The following CDC42BPA variants were observed in gnomAD, a reference collection of about 807,000 sequenced individuals.
The protein encoded by CDC42BPA is serine/threonine-protein kinase MRCK alpha.
In CDC42BPA, 80 loss-of-function variants were observed where a neutral mutation model predicts 223.5. The ratio of observed to expected loss-of-function variants is 0.36; its 90% CI spans 0.30 to 0.43. The LOEUF is 0.43. CDC42BPA is among the 20% of genes least tolerant of loss of function. The pLI is 1.00. For missense variants in CDC42BPA, 1,743 were observed against 2,099.9 expected, an observed-to-expected ratio of 0.83 and a Z score of 3.32; for synonymous variants, 694 against 718.6, an observed-to-expected ratio of 0.97 and a Z score of 0.55.
At position 226,991,777 on chromosome 1, in the gene CDC42BPA, G is replaced by C. The variant is rs1176418767; in HGVS notation, c.*2491C>G. ...AGACTTTAGGTAGGGTTATTATTTT[G>C]ATCTTAAAAGCATCCTTTGCAAAAT... On this transcript the variant is annotated 3_prime_UTR_variant, in exon 37 of 37. Transcript: ENST00000366766. The C allele has an allele frequency of 1.3e-5, 2 of 149,672 alleles. No homozygotes were observed. Among genetic ancestry groups the C allele is most frequent in the Non-Finnish European group, 3.0e-5 (2 of 67,314 alleles). The allele number at this position is 149,672 out of a possible 1,614,324, so 9.3% of individuals were successfully genotyped here. A position where few individuals can be genotyped will look rare whatever the true frequency, so the allele number is the denominator to read the frequency against.
At chr1:227,085,262 T>C (rs754683874) in intron 16 of CDC42BPA, among the ~76,000 whole-genome samples, 2 of 152,200 alleles carry the variant, frequency 1.3e-5, no homozygotes, top group African/African-American at 2.4e-5. Flanking sequence ...GCCACAACCA[T>C]GTTCTAAGTC....
intron 21 of CDC42BPA, among the ~76,000 whole-genome samples, chr1:227,053,001 TAATTG>T (rs1420322550): frequency 2.6e-5 from 4 of 152,254 alleles, no homozygotes; most frequent in Admixed American, 1.3e-4. Flanking sequence ...GAATGATAAA[TAATTG>T]AGAGTAGAAA....
At chr1:227,273,946 T>G (rs1293535429) in intron 1 of CDC42BPA, among the ~76,000 whole-genome samples, 2 of 91,918 alleles carry the variant, frequency 2.2e-5, no homozygotes, top group Admixed American at 1.6e-4. Context: ...GAGGTGGTGG[T>G]GGGGGGAGGT....
At chr1:227,264,268 G>T (rs1684602825) in intron 1 of CDC42BPA, among the ~76,000 whole-genome samples, 1 of 152,132 alleles carries the variant, frequency 6.6e-6, no homozygotes, top group African/African-American at 2.4e-5. Context: ...CTTATAGAAA[G>T]CAATTCCAAA....
At chr1:227,315,229 TA>T in intron 1 of CDC42BPA, among the ~76,000 whole-genome samples, 2 of 136,566 alleles carry the variant, frequency 1.5e-5, no homozygotes, top group African/African-American at 5.5e-5. Context: ...TTGGCTTATA[TA>T]AAAATATACA....
chr1:227,100,867 C>G (rs1684931670), intron 15 of CDC42BPA, 125 bp downstream of exon 15: 2 of 610,682 alleles, frequency 3.3e-6, no homozygotes, highest in Non-Finnish European at 5.5e-6. Flanking sequence ...AATTTTCTAT[C>G]TGCCAATCCT....
chr1:227,168,384 T>G (rs1665431408), intron 5 of CDC42BPA, among the ~76,000 whole-genome samples: 1 of 152,100 alleles, frequency 6.6e-6, no homozygotes, highest in Non-Finnish European at 1.5e-5. Flanking sequence ...CCCCCAAATG[T>G]AACTTGTCAT....
At chr1:227,034,555 G>C in intron 26 of CDC42BPA, 100 bp downstream of exon 26, 1 of 1,078,740 alleles carries the variant, frequency 9.3e-7, no homozygotes, top group Non-Finnish European at 1.3e-6. Context: ...TACGAAATTA[G>C]TTCATTTAAA....
chr1:227,275,238 T>C (rs11810704), intron 1 of CDC42BPA, among the ~76,000 whole-genome samples: 1 of 75,598 alleles, frequency 1.3e-5, no homozygotes, highest in African/African-American at 5.4e-5. Context: ...AAAATAAAAA[T>C]TAGAAAGCAG....
chr1:227,236,888 CA>C (rs1373718529), intron 2 of CDC42BPA, among the ~76,000 whole-genome samples: 1 of 151,872 alleles, frequency 6.6e-6, no homozygotes, highest in Admixed American at 6.6e-5. Context: ...ACAAAAAATA[CA>C]AAAGTTAGCC....
In CDC42BPA at chr1:227,002,102, GTGTT is replaced by G. The variant is rs138962472; in HGVS notation, c.4975+2888_4975+2891del. On this transcript the variant is annotated intron_variant, in intron 35 of 36. Coordinates refer to ENST00000366766, the MANE Select transcript of CDC42BPA (RefSeq NM_001394014.1). ...ATTAATGTGTTCGTGGGAACTTAAT[GTGTT>G]TGTTTGTCATGGATCTTGCTGGGAA... Among the ~76,000 whole-genome samples, 1,176 of 152,282 alleles carry G rather than the reference GTGTT, an allele frequency of 7.7e-3. 7 individuals are homozygous for G. Among genetic ancestry groups the G allele is most frequent in the Non-Finnish European group, 0.013 (860 of 68,028 alleles).
chr1:227,233,138 G>A (rs1023852610), intron 2 of CDC42BPA, among the ~76,000 whole-genome samples: 2 of 152,192 alleles, frequency 1.3e-5, no homozygotes, highest in Non-Finnish European at 2.9e-5. Flanking sequence ...CGTCACTCAC[G>A]CTGGGAGCTG....
chr1:227,134,728 AT>A (rs1658138463), intron 10 of CDC42BPA, among the ~76,000 whole-genome samples: 1 of 152,354 alleles, frequency 6.6e-6, no homozygotes, highest in African/African-American at 2.4e-5. Flanking sequence ...TGAAACAAGT[AT>A]TCATACCAAA....
In CDC42BPA at chr1:227,059,439, T is replaced by C. The variant is rs1311303755; in HGVS notation, c.2905-7454A>G. 4 of 1,549,258 alleles carry C rather than the reference T, an allele frequency of 2.6e-6. No homozygotes were observed. In the Admixed American group the frequency reaches 5.8e-5, roughly 23 times the overall value. On this transcript the variant is annotated intron_variant, in intron 21 of 36. Transcript: ENST00000366766. The stretch of plus-strand genomic sequence containing the variant: ...TCAACAGAGAAAGGAGAATAGGACA[T>C]GTTACAAATATTTACACACATAAGA...
At chr1:227,083,235 A>G (rs1395179705) in intron 16 of CDC42BPA, among the ~76,000 whole-genome samples, 3 of 152,038 alleles carry the variant, frequency 2.0e-5, no homozygotes, top group East Asian at 1.9e-4. Context: ...CCTCCTTTCT[A>G]TATTTTCTAT....
intron 15 of CDC42BPA, among the ~76,000 whole-genome samples, chr1:227,098,195 T>C (rs1039445644): frequency 2.6e-5 from 4 of 152,156 alleles, no homozygotes; most frequent in Non-Finnish European, 5.9e-5. Flanking sequence ...CTGCCCTTTC[T>C]CTATCCACTC....
chr1:227,233,242 T>G lies in CDC42BPA; in HGVS notation c.271-20023A>C, dbSNP rs377656603. Among the ~76,000 whole-genome samples the G allele has an allele frequency of 1.5e-3, 221 of 152,310 alleles. No homozygotes were observed. The Middle Eastern group carries it at 0.017, about 12-fold the overall frequency. ...AGAGATGTTACAGAATTTCACCACG[T>G]TGGCCAGGATGGTCTCAATCTCCTG... is the stretch of plus-strand genomic sequence containing the variant. On this transcript the variant is annotated intron_variant, in intron 2 of 36. Coordinates refer to ENST00000366766, the MANE Select transcript of CDC42BPA (RefSeq NM_001394014.1).
intron 15 of CDC42BPA, among the ~76,000 whole-genome samples, chr1:227,096,157 C>G (rs1166528307): frequency 6.6e-6 from 1 of 152,150 alleles, no homozygotes. Context: ...CAACCTCCAT[C>G]TCCAAGCAAA....
chr1:227,076,575 C>T (rs760610276), intron 17 of CDC42BPA, among the ~76,000 whole-genome samples: 2 of 152,138 alleles, frequency 1.3e-5, no homozygotes, highest in African/African-American at 2.4e-5. Context: ...ATCTCTTGCT[C>T]CTTGCTTGTA....
Sources: allele counts gnomAD v4.1 joint callset (sites outside exome capture counted in the v4.1 genomes callset), GRCh38; gene constraint gnomAD v4.1.1; transcripts MANE v1.5; gene names NCBI Gene and HGNC (gene_info 2026-07-23, HGNC 2026-07-21).